MACROD2: variants seen among roughly 807,000 people sequenced by gnomAD.
MACROD2 encodes the protein ADP-ribose glycohydrolase MACROD2.
Under a neutral mutation model 70.4 loss-of-function variants are expected in MACROD2, and 36 were observed. The ratio of observed to expected loss-of-function variants is 0.51; its 90% CI spans 0.39 to 0.68. The LOEUF (loss-of-function observed/expected upper bound fraction) is 0.68, where lower values mean the gene tolerates loss of function less well. MACROD2 is among the 30% of genes least tolerant of loss of function. The pLI, the probability that MACROD2 is intolerant of heterozygous loss-of-function variation, is 0.00. For missense variants in MACROD2, 496 were observed against 538.4 expected (o/e 0.92, Z 0.78); for synonymous variants, 172 against 178.8 (o/e 0.96, Z 0.30).
intron 3 of MACROD2, among the ~76,000 whole-genome samples, chr20:14,115,787 G>A (rs918003073): frequency 2.6e-5 from 4 of 151,916 alleles, no homozygotes; most frequent in African/African-American, 7.3e-5. Context: ...TGAGAATAAA[G>A]GAAGACCAAA....
At chr20:15,535,350 C>A (rs1256758888) in intron 8 of MACROD2, among the ~76,000 whole-genome samples, 1 of 152,094 alleles carries the variant, frequency 6.6e-6, no homozygotes, top group Non-Finnish European at 1.5e-5. Context: ...AGCAGTGGTT[C>A]TCACAATGTG....
At chr20:14,989,766 C>T (rs923775558) in intron 5 of MACROD2, among the ~76,000 whole-genome samples, 3 of 152,080 alleles carry the variant, frequency 2.0e-5, no homozygotes, top group Admixed American at 1.3e-4. Flanking sequence ...ATGTTGGGTC[C>T]GGTCCGTTTT....
intron 10 of MACROD2, among the ~76,000 whole-genome samples, chr20:15,930,735 G>C (rs1046056036): frequency 6.6e-6 from 1 of 152,140 alleles, no homozygotes. Flanking sequence ...TCTAGGGAGG[G>C]GGGTAGCACA....
chr20:14,141,291 G>A (rs1321298822), intron 3 of MACROD2, among the ~76,000 whole-genome samples: 1 of 152,154 alleles, frequency 6.6e-6, no homozygotes, highest in Non-Finnish European at 1.5e-5. Context: ...GGTAAAACCA[G>A]TTTTCTCTAT....
chr20:15,982,179 G>A (rs2066410765), intron 13 of MACROD2, among the ~76,000 whole-genome samples: 1 of 152,086 alleles, frequency 6.6e-6, no homozygotes, highest in South Asian at 2.1e-4. Context: ...TGTGATCATG[G>A]GGGGTTCAGA....
intron 4 of MACROD2, among the ~76,000 whole-genome samples, chr20:14,623,436 C>A (rs766667977): frequency 6.6e-6 from 1 of 152,098 alleles, no homozygotes; most frequent in Non-Finnish European, 1.5e-5. Context: ...GAATTTAACA[C>A]CCTGGCAAGG....
intron 5 of MACROD2, among the ~76,000 whole-genome samples, chr20:14,975,044 A>G (rs1426000487): frequency 1.3e-5 from 2 of 152,244 alleles, no homozygotes; most frequent in East Asian, 1.9e-4. Context: ...TATACATTGT[A>G]GGATGCTTAT....
intron 9 of MACROD2, 140 bp from the exon 10 acceptor site, chr20:15,885,624 C>T (rs1601057975): frequency 5.6e-6 from 4 of 714,684 alleles, no homozygotes; most frequent in Non-Finnish European, 8.1e-6. Context: ...AATAAGACAA[C>T]AGAAATGCAT....
chr20:14,456,321 A>C (rs2084301774), intron 3 of MACROD2, among the ~76,000 whole-genome samples: 2 of 151,828 alleles, frequency 1.3e-5, no homozygotes, highest in South Asian at 4.1e-4. Context: ...GAATGCCTTA[A>C]TATGGCATAG....
intron 3 of MACROD2, among the ~76,000 whole-genome samples, chr20:14,247,667 C>T (rs1335981694): frequency 1.3e-5 from 2 of 152,096 alleles, no homozygotes; most frequent in Non-Finnish European, 2.9e-5. Context: ...TTTAACACTG[C>T]AGAAGAAGTG....
At chr20:14,015,651 C>T (rs1405668540) in intron 2 of MACROD2, among the ~76,000 whole-genome samples, 2 of 152,204 alleles carry the variant, frequency 1.3e-5, no homozygotes, top group Non-Finnish European at 2.9e-5. Flanking sequence ...TCTTCCTTCT[C>T]ACCTGTCCCC....
rs145166015 is a variant in MACROD2 at position 14,491,434 on chromosome 20, A to G, written c.272-2045A>G. 6.8e-3 allele frequency among the ~76,000 whole-genome samples: 1,041 copies of G among 152,348 alleles called. 4 individuals carry two copies. The highest frequency in any genetic ancestry group is 0.023 in the African/African-American group (969 of 41,580). ...TTACATGGATAGTAATACACATGGA[A>G]TTACCTTAAAAGTGATTGTGTACTA... On this transcript the variant is annotated intron_variant, in intron 3 of 17. Transcript: ENST00000684519.
At chr20:15,602,319 G>A (rs1338619761) in intron 8 of MACROD2, among the ~76,000 whole-genome samples, 1 of 152,190 alleles carries the variant, frequency 6.6e-6, no homozygotes, top group Non-Finnish European at 1.5e-5. Context: ...AGCTCTGAAA[G>A]GTCATGCTAG....
chr20:15,913,382 C>T (rs1016317038), intron 10 of MACROD2, among the ~76,000 whole-genome samples: 3 of 151,986 alleles, frequency 2.0e-5, no homozygotes, highest in African/African-American at 7.3e-5. Flanking sequence ...TATTTTTTCC[C>T]TAAATTCTTT....
chr20:14,434,053 G>A (rs1186408090), intron 3 of MACROD2, among the ~76,000 whole-genome samples: 1 of 152,086 alleles, frequency 6.6e-6, no homozygotes, highest in African/African-American at 2.4e-5. Flanking sequence ...TGAATGGCTG[G>A]TCTTAGTTTT....
chr20:14,056,137 A>G (rs1031077687), intron 2 of MACROD2, among the ~76,000 whole-genome samples: 1 of 152,046 alleles, frequency 6.6e-6, no homozygotes, highest in Non-Finnish European at 1.5e-5. Context: ...GGTTTTGGAT[A>G]ATATGATAAT....
chr20:15,736,006 A>G (rs1052104825), intron 8 of MACROD2, among the ~76,000 whole-genome samples: 2 of 152,214 alleles, frequency 1.3e-5, no homozygotes, highest in African/African-American at 4.8e-5. Context: ...GCATCATGGT[A>G]GAGAGAAAGG....
intron 3 of MACROD2, among the ~76,000 whole-genome samples, chr20:14,208,117 A>G (rs1331517292): frequency 6.6e-6 from 1 of 152,184 alleles, no homozygotes; most frequent in African/African-American, 2.4e-5. Flanking sequence ...GAAGAAGAGT[A>G]GGTCCATGAT....
At chr20:15,976,496 A>G (rs1040766875) in intron 13 of MACROD2, among the ~76,000 whole-genome samples, 8 of 152,222 alleles carry the variant, frequency 5.3e-5, no homozygotes, top group Non-Finnish European at 1.2e-4. Context: ...AGAGGGAAAC[A>G]TAAAGCTTGC....
Sources: gnomAD v4.1 joint callset for allele counts (sites outside exome capture counted in the v4.1 genomes callset) on GRCh38, gnomAD v4.1.1 for gene constraint, MANE v1.5 for transcripts, NCBI Gene and HGNC (gene_info 2026-07-23, HGNC 2026-07-21) for gene names.